Variants in PPP1R37 observed in about 807,000 individuals in gnomAD.
The protein encoded by PPP1R37 is leucine rich repeat containing 68.
PPP1R37 carries 21 observed loss-of-function variants against 61.0 expected under a neutral mutation model. The ratio of observed to expected loss-of-function variants is 0.34; its 90% CI spans 0.24 to 0.50. The LOEUF (loss-of-function observed/expected upper bound fraction) is 0.50. Ranked by LOEUF, PPP1R37 falls within the 20% of genes least tolerant of loss-of-function variation. PPP1R37 has a pLI of 0.98. For missense variants in PPP1R37, 910 were observed against 952.7 expected (o/e 0.96, Z 0.59); for synonymous variants, 443 against 433.5 (o/e 1.02, Z -0.27).
intron 1 of PPP1R37, among the ~76,000 whole-genome samples, chr19:45,137,937 G>A (rs1369956995): frequency 2.0e-5 from 3 of 151,784 alleles, no homozygotes; most frequent in Non-Finnish European, 2.9e-5. Context: ...CCAGGAGTTC[G>A]AGACCAGCCT....
At chr19:45,146,157 C>T in intron 11 of PPP1R37, 108 bp downstream of exon 11, 4 of 1,253,310 alleles carry the variant, frequency 3.2e-6, no homozygotes, top group Non-Finnish European at 4.3e-6. Flanking sequence ...TAAAATGGTT[C>T]TCGCAGGGGC....
chr19:45,126,792 C>G (rs908089728), intron 1 of PPP1R37, among the ~76,000 whole-genome samples: 1 of 152,204 alleles, frequency 6.6e-6, no homozygotes, highest in Non-Finnish European at 1.5e-5. Flanking sequence ...CCCTGCCCAT[C>G]CCTGTGCATG....
intron 1 of PPP1R37, among the ~76,000 whole-genome samples, chr19:45,135,098 A>AT (rs1456750025): frequency 1.3e-5 from 2 of 152,204 alleles, no homozygotes; most frequent in East Asian, 3.8e-4. Flanking sequence ...AAATGCAAAA[A>AT]TTAGCCAGGT....
At chr19:45,112,518 A>T (rs1297355949) in intron 1 of PPP1R37, among the ~76,000 whole-genome samples, 1 of 152,016 alleles carries the variant, frequency 6.6e-6, no homozygotes, top group African/African-American at 2.4e-5. Flanking sequence ...TTCAGCACCT[A>T]CTTAGGGGAG....
At chr19:45,140,659 G>A (rs1235141806) in intron 4 of PPP1R37, 53 bp downstream of exon 4, 10 of 1,393,652 alleles carry the variant, frequency 7.2e-6, no homozygotes, top group East Asian at 2.5e-5. Flanking sequence ...GGGCCCCTTC[G>A]AGGTTTGGGT....
intron 1 of PPP1R37, among the ~76,000 whole-genome samples, chr19:45,102,837 G>C (rs1004532305): frequency 6.6e-6 from 1 of 152,220 alleles, no homozygotes; most frequent in Non-Finnish European, 1.5e-5. Context: ...AGCTGATGCC[G>C]CTCCTGTTAC....
In PPP1R37 at chr19:45,144,896, C is replaced by G. The variant is rs778715551; in HGVS notation, c.1030C>G (p.Pro344Ala). Residue 344 changes from proline (P) to alanine (A), a missense_variant, in exon 9 of 13, where the codon CCC (proline) becomes GCC (alanine). Physicochemically the swap from Pro to Ala is conservative, Grantham distance 27 (BLOSUM62 -1). Coordinates refer to ENST00000221462, the MANE Select transcript of PPP1R37 (RefSeq NM_019121.2). ...SLETLNLGHN[P>A]IGNEGVRHLK... ...GGAGACGCTGAACCTGGGCCACAAC[C>G]CCATCGGGAACGAGGGTGTGCGGCA... is the stretch of plus-strand genomic sequence containing the variant. 1.5e-5 allele frequency: 23 copies of G among 1,535,524 alleles called. No individual in the cohort carries two copies. Among genetic ancestry groups the G allele is most frequent in the Admixed American group, 3.9e-5 (2 of 50,940 alleles).
chr19:45,124,526 A>T (rs1968377654), intron 1 of PPP1R37, among the ~76,000 whole-genome samples: 1 of 151,898 alleles, frequency 6.6e-6, no homozygotes, highest in Admixed American at 6.6e-5. Context: ...GCCTTTCCTC[A>T]GTCCAGTGCG....
chr19:45,118,145 C>T (rs1968294250), intron 1 of PPP1R37, among the ~76,000 whole-genome samples: 1 of 152,262 alleles, frequency 6.6e-6, no homozygotes, highest in Non-Finnish European at 1.5e-5. Flanking sequence ...AGCTGCAGCC[C>T]TCCCCTCAGG....
In PPP1R37 at chr19:45,140,598, G is replaced by A; in HGVS notation, c.439G>A (p.Asp147Asn). The change falls in exon 4 of 13, where the codon GAT becomes AAT. Residue 147 changes from aspartate to asparagine, a missense_variant. By Grantham distance (23) the Asp-to-Asn change is conservative (BLOSUM62 1). This residue lies in a region of PPP1R37 where 280 missense variants were observed against 382.2 expected (regional missense o/e 0.73). Coordinates refer to ENST00000221462, the MANE Select transcript of PPP1R37 (RefSeq NM_019121.2). ...KVVDLEQTNL[D>N]EDGASALFDM... is the part of the protein sequence containing the mutation. ...CGTGGACCTGGAGCAGACAAACCTG[G>A]ATGAAGATGTGAGCGGCCCTGCCAC... The A allele has an allele frequency of 3.3e-6, 5 of 1,535,902 alleles. No homozygotes were observed. The highest frequency in any genetic ancestry group is 4.4e-6 in the Non-Finnish European group (5 of 1,146,714).
chr19:45,109,606 TG>T (rs1397267785), intron 1 of PPP1R37, among the ~76,000 whole-genome samples: 1 of 152,164 alleles, frequency 6.6e-6, no homozygotes, highest in African/African-American at 2.4e-5. Context: ...TTGCTGAAGA[TG>T]GCAGAAGCCA....
In PPP1R37 at chr19:45,146,855, G is replaced by C. The variant is rs1968709857; in HGVS notation, c.*293G>C. 1 of 200,324 alleles carries C rather than the reference G, an allele frequency of 5.0e-6. No individual in the cohort carries two copies. The highest frequency in any genetic ancestry group is 1.0e-5 in the Non-Finnish European group (1 of 96,348). 12.4% of individuals were successfully genotyped at this position (200,324 alleles called of 1,614,324 possible). A position where few individuals can be genotyped will look rare whatever the true frequency, so the allele number is the denominator to read the frequency against. On this transcript the variant is annotated 3_prime_UTR_variant, in exon 13 of 13. Coordinates refer to ENST00000221462, the MANE Select transcript of PPP1R37 (RefSeq NM_019121.2). ...AGGTCTCCAAGGACATCAGGCGCCTGTTCTGGAGGGGCCAGGCTTGCCCTG... is the reference window on the plus strand; with the variant it reads ...AGGTCTCCAAGGACATCAGGCGCCTCTTCTGGAGGGGCCAGGCTTGCCCTG...
intron 1 of PPP1R37, chr19:45,128,695 T>A (rs1568446989): frequency 9.1e-7 from 1 of 1,096,498 alleles, no homozygotes; most frequent in East Asian, 2.8e-5. Context: ...GTCTTTGAGA[T>A]GTCTGCTTGG....
intron 1 of PPP1R37, among the ~76,000 whole-genome samples, chr19:45,116,951 T>C (rs1968276126): frequency 6.6e-6 from 1 of 151,514 alleles, no homozygotes; most frequent in East Asian, 1.9e-4. Flanking sequence ...TTCGCTCTTT[T>C]TGCCCAGGCT....
intron 1 of PPP1R37, among the ~76,000 whole-genome samples, chr19:45,117,675 G>T (rs537841003): frequency 6.6e-6 from 1 of 152,306 alleles, no homozygotes; most frequent in South Asian, 2.1e-4. Flanking sequence ...CTGACTGGTG[G>T]TGGGAAACCT....
In PPP1R37 at chr19:45,145,520, C is replaced by T. The variant is rs1414021718; in HGVS notation, c.1464C>T (p.Pro488=). The T allele has an allele frequency of 4.6e-6, 7 of 1,534,036 alleles. No homozygotes were observed. The highest frequency in any genetic ancestry group is 2.7e-5 in the African/African-American group (2 of 72,968). The change falls in exon 11 of 13, where the codon CCC becomes CCT. Residue 488 remains proline (P), a synonymous_variant. Transcript: ENST00000221462. ...CCGAGCCCCAGCCCGACGACGAGCC[C>T]GCCGCTGGGGTGCAGAACGGGGCCC... is the stretch of plus-strand genomic sequence containing the variant. ...TATEPQPDDE[P]AAGVQNGAPS...
chr19:45,120,813 C>A (rs1299919998), intron 1 of PPP1R37, among the ~76,000 whole-genome samples: 1 of 152,074 alleles, frequency 6.6e-6, no homozygotes, highest in African/African-American at 2.4e-5. Context: ...GGGGTTTCAC[C>A]ATGTTGGCCA....
intron 1 of PPP1R37, among the ~76,000 whole-genome samples, chr19:45,137,625 G>C (rs532115637): frequency 6.6e-6 from 1 of 152,174 alleles, no homozygotes; most frequent in Non-Finnish European, 1.5e-5. Flanking sequence ...GCCGGGCCCT[G>C]AATAGCGTAC....
intron 1 of PPP1R37, among the ~76,000 whole-genome samples, chr19:45,124,329 C>G (rs1968375261): frequency 6.6e-6 from 1 of 152,214 alleles, no homozygotes; most frequent in Non-Finnish European, 1.5e-5. Context: ...GCACCGGGCC[C>G]TTCGGGGGAC....
Sources: gnomAD v4.1 joint callset for allele counts (sites outside exome capture counted in the v4.1 genomes callset) on GRCh38, gnomAD v4.1.1 for gene constraint, gnomAD v4.1.1 regional missense constraint, MANE v1.5 for transcripts, NCBI Gene and HGNC (gene_info 2026-07-23, HGNC 2026-07-21) for gene names.